The following HMGCLL1 variants were observed in gnomAD, a reference collection of about 807,000 sequenced individuals.
HMGCLL1 encodes the protein 3-hydroxy-3-methylglutaryl-CoA lyase like 1.
Under a neutral mutation model 39.1 loss-of-function variants are expected in HMGCLL1, and 36 were observed. The ratio of observed to expected loss-of-function variants is 0.92; its 90% CI spans 0.71 to 1.22. The LOEUF (loss-of-function observed/expected upper bound fraction) is 1.22, where lower values mean the gene tolerates loss of function less well. HMGCLL1 is among the 50% of genes most tolerant of loss of function. The probability of loss-of-function intolerance (pLI) is 0.00; values close to 1 mark genes in which losing one functional copy is unlikely to be tolerated. For synonymous variants in HMGCLL1, 149 were observed against 144.0 expected (o/e 1.03, Z -0.25); for missense variants, 451 against 416.5 (o/e 1.08, Z -0.72).
At chr6:55,677,926 A>T in the HMGCLL1 span, among the ~76,000 whole-genome samples, 1 of 152,188 alleles carries the variant, frequency 6.6e-6, no homozygotes, top group Non-Finnish European at 1.5e-5. Flanking sequence ...GTAAGAACTT[A>T]CTATTAGTGT....
At chr6:55,476,536 C>T (rs1180973935) in intron 7 of HMGCLL1, among the ~76,000 whole-genome samples, 1 of 151,602 alleles carries the variant, frequency 6.6e-6, no homozygotes, top group Non-Finnish European at 1.5e-5. Flanking sequence ...TCCTTCCCAA[C>T]TTGTACATTT....
At chr6:55,660,388 G>A in the HMGCLL1 span, among the ~76,000 whole-genome samples, 2 of 151,426 alleles carry the variant, frequency 1.3e-5, no homozygotes, top group South Asian at 4.2e-4. Flanking sequence ...CTCGCAATTA[G>A]CCCTGGTGTC....
intron 7 of HMGCLL1, among the ~76,000 whole-genome samples, chr6:55,475,923 GCT>G (rs1356676583): frequency 6.6e-6 from 1 of 151,340 alleles, no homozygotes; most frequent in Non-Finnish European, 1.5e-5. Flanking sequence ...TTCTTTCTCA[GCT>G]CTCTTTTCTT....
At chr6:55,650,892 GC>G in the HMGCLL1 span, among the ~76,000 whole-genome samples, 3 of 151,666 alleles carry the variant, frequency 2.0e-5, no homozygotes, top group Non-Finnish European at 2.9e-5. Flanking sequence ...TCTTCTGTCA[GC>G]TTTTGGTGAA....
At chr6:55,499,351 C>T (rs1766756082) in intron 5 of HMGCLL1, 52 bp from the exon 6 acceptor site, 1 of 1,331,402 alleles carries the variant, frequency 7.5e-7, no homozygotes, top group African/African-American at 1.5e-5. Flanking sequence ...TAAGCCATTT[C>T]CATTTTATAA....
At chr6:55,595,924 T>C in the HMGCLL1 span, among the ~76,000 whole-genome samples, 1 of 152,314 alleles carries the variant, frequency 6.6e-6, no homozygotes, top group East Asian at 1.9e-4. Flanking sequence ...TTTAGAAATT[T>C]TGGAGCCTTT....
chr6:55,640,765 T>C, the HMGCLL1 span, among the ~76,000 whole-genome samples: 2 of 151,558 alleles, frequency 1.3e-5, no homozygotes, highest in Admixed American at 6.6e-5. Context: ...TTGTATTTTA[T>C]GTATTATATA....
intron 6 of HMGCLL1, 108 bp downstream of exon 6, chr6:55,499,128 A>G (rs2127426307): frequency 1.2e-6 from 1 of 814,790 alleles, no homozygotes; most frequent in South Asian, 2.0e-5. Context: ...TCGCCTCTTA[A>G]TCCATGGCTT....
At chr6:55,599,331 A>G in the HMGCLL1 span, among the ~76,000 whole-genome samples, 1 of 152,198 alleles carries the variant, frequency 6.6e-6, no homozygotes, top group South Asian at 2.1e-4. Flanking sequence ...TGTTAATTCA[A>G]TGTTGAAAAT....
intron 7 of HMGCLL1, among the ~76,000 whole-genome samples, chr6:55,483,445 T>C (rs576626770): frequency 1.2e-3 from 179 of 152,230 alleles, no homozygotes; most frequent in Admixed American, 0.01. Context: ...TTTGTATTTT[T>C]AGTAGAGACG....
intron 1 of HMGCLL1, among the ~76,000 whole-genome samples, chr6:55,542,695 C>T (rs1399401088): frequency 6.6e-6 from 1 of 150,972 alleles, no homozygotes; most frequent in African/African-American, 2.4e-5. Context: ...AGGAGAATCA[C>T]TTGAACCCAG....
At position 55,579,156 on chromosome 6, in the gene HMGCLL1, T is replaced by A. The variant is rs1333589870; in HGVS notation, c.-101A>T. The A allele has an allele frequency of 2.4e-6, 2 of 845,838 alleles. No individual in the cohort carries two copies. Among genetic ancestry groups the A allele is most frequent in the African/African-American group, 1.7e-5 (1 of 59,818 alleles). 52.4% of individuals were successfully genotyped at this position (845,838 alleles called of 1,614,324 possible). ...CTGCGCCAGCTCGGGAGCGCGCCCC[T>A]CCGGTGCACTGGCTGTGAGGACCAG... On this transcript the variant is annotated 5_prime_UTR_variant, in exon 1 of 9. Coordinates refer to ENST00000274901, the MANE Select transcript of HMGCLL1 (RefSeq NM_001042406.2).
At chr6:55,660,424 T>C in the HMGCLL1 span, among the ~76,000 whole-genome samples, 15 of 152,012 alleles carry the variant, frequency 9.9e-5, no homozygotes, top group East Asian at 2.7e-3. Context: ...TGTTTCTGTG[T>C]GTTCTCATAA....
In HMGCLL1 at chr6:55,495,510, C is replaced by T; in HGVS notation, c.704G>A (p.Ser235Asn). 6 of 1,613,984 alleles carry T rather than the reference C, an allele frequency of 3.7e-6. No homozygotes were observed. The highest frequency in any genetic ancestry group is 5.1e-6 in the Non-Finnish European group (6 of 1,179,894). The change falls in exon 7 of 9, where the codon AGT becomes AAT. Residue 235 changes from serine to asparagine, a missense_variant. By Grantham distance (46) the Ser-to-Asn change is conservative. Coordinates refer to ENST00000274901, the MANE Select transcript of HMGCLL1 (RefSeq NM_001042406.2). ...ACCTGGTGGGATTTCTTTCATCACACTTTCCAACATTCTTTTCATACTTCC... is the reference window on the plus strand; with the variant it reads ...ACCTGGTGGGATTTCTTTCATCACATTTTCCAACATTCTTTTCATACTTCC... ...TPGSMKRMLESVMKEIPPGAL... is the reference protein window; with the variant it reads ...TPGSMKRMLENVMKEIPPGAL...
intron 3 of HMGCLL1, among the ~76,000 whole-genome samples, chr6:55,521,073 G>T (rs1340858683): frequency 6.6e-6 from 1 of 152,052 alleles, no homozygotes; most frequent in Non-Finnish European, 1.5e-5. Context: ...TAATTAAACT[G>T]GGATAGTTCA....
chr6:55,590,051 A>G, the HMGCLL1 span, among the ~76,000 whole-genome samples: 12,943 of 152,114 alleles, frequency 0.085, 747 homozygotes, highest in Non-Finnish European at 0.13. Flanking sequence ...GAAAAAAACT[A>G]CTTTAAAGTT....
At chr6:55,477,846 T>A (rs978002404) in intron 7 of HMGCLL1, among the ~76,000 whole-genome samples, 4 of 150,986 alleles carry the variant, frequency 2.6e-5, no homozygotes, top group African/African-American at 9.8e-5. Flanking sequence ...TCAATGTTCA[T>A]GAGTGACAAT....
the HMGCLL1 span, among the ~76,000 whole-genome samples, chr6:55,642,231 C>T: frequency 2.7e-5 from 4 of 148,614 alleles, no homozygotes; most frequent in South Asian, 8.7e-4. Flanking sequence ...CTACAAAGGA[C>T]ACGAACTCAT....
chr6:55,502,854 G>A (rs879307550), intron 5 of HMGCLL1, among the ~76,000 whole-genome samples: 15 of 151,582 alleles, frequency 9.9e-5, no homozygotes, highest in Non-Finnish European at 1.8e-4. Context: ...CATCCACAAA[G>A]ATGTTATATC....
Sources: allele counts gnomAD v4.1 joint callset (sites outside exome capture counted in the v4.1 genomes callset), GRCh38; gene constraint gnomAD v4.1.1; transcripts MANE v1.5; gene names NCBI Gene and HGNC (gene_info 2026-07-23, HGNC 2026-07-21).